ZMIZ1: variants seen among roughly 807,000 people sequenced by gnomAD.
ZMIZ1 encodes the protein zinc finger MIZ-type containing 1, also known as zinc finger MIZ domain-containing protein 1.
In ZMIZ1, 17 loss-of-function variants were observed where a neutral mutation model predicts 113.9. The observed-to-expected ratio is 0.15, with a 90% CI of 0.10 to 0.22. ZMIZ1 has a LOEUF of 0.22. Ranked by LOEUF, ZMIZ1 falls within the 10% of genes least tolerant of loss-of-function variation. The pLI is 1.00. For missense variants in ZMIZ1, 1,059 were observed against 1,477.8 expected (o/e 0.72, Z 4.65); for synonymous variants, 607 against 603.1 (o/e 1.01, Z -0.09).
chr10:79,127,527 C>G (rs905735932), intron 2 of ZMIZ1, among the ~76,000 whole-genome samples: 2 of 152,020 alleles, frequency 1.3e-5, no homozygotes, highest in Non-Finnish European at 2.9e-5. Context: ...TCCTCACAAC[C>G]CCTGACTCAT....
rs2985841 is a variant in ZMIZ1 at position 79,314,007 on chromosome 10, G to A, written c.*1258G>A. ...GCACCAGTATGTACCTGCAGGCATGGGGGGGAGGGGGGCGTGTTTCTGGGC... is the reference window on the plus strand; with the variant it reads ...GCACCAGTATGTACCTGCAGGCATGAGGGGGAGGGGGGCGTGTTTCTGGGC... On this transcript the variant is annotated 3_prime_UTR_variant, in exon 25 of 25. Transcript: ENST00000334512. 0.15 allele frequency: 70,516 copies of A among 455,770 alleles called. 6,389 individuals carry two copies. Among genetic ancestry groups the A allele is most frequent in the Admixed American group, 0.26 (10,946 of 42,554 alleles). The allele number at this position is 455,770 out of a possible 1,614,324, so 28.2% of individuals were successfully genotyped here. A position where few individuals can be genotyped will look rare whatever the true frequency, so the allele number is the denominator to read the frequency against.
chr10:79,259,445 T>C (rs1412748530), intron 7 of ZMIZ1, among the ~76,000 whole-genome samples: 2 of 152,198 alleles, frequency 1.3e-5, no homozygotes, highest in Non-Finnish European at 2.9e-5. Flanking sequence ...TGGCTTCTTC[T>C]GTTCCATGCA....
chr10:79,305,900 T>TG (rs780431779), intron 21 of ZMIZ1, among the ~76,000 whole-genome samples, 200 bp from the exon 22 acceptor site: 1 of 152,226 alleles, frequency 6.6e-6, no homozygotes, highest in Non-Finnish European at 1.5e-5. Context: ...CCCAGCCACT[T>TG]GCTTTTCTAG....
rs1470349223 is a variant in ZMIZ1, at chr10:79,314,406, G to C, written c.*1657G>C. 2.7e-6 allele frequency: 1 copy of C among 371,610 alleles called. No homozygotes were observed. The highest frequency in any genetic ancestry group is 2.1e-5 in the African/African-American group (1 of 47,414). 23.0% of individuals were successfully genotyped at this position (371,610 alleles called of 1,614,324 possible). ...TTTTACCGGAAAGGTGGCCCCAGCT[G>C]TTGACTTCCAGTCACTGTCCCAGAC... is the stretch of plus-strand genomic sequence containing the variant. On this transcript the variant is annotated 3_prime_UTR_variant, in exon 25 of 25. Coordinates refer to ENST00000334512, the MANE Select transcript of ZMIZ1 (RefSeq NM_020338.4).
intron 1 of ZMIZ1, among the ~76,000 whole-genome samples, chr10:79,070,023 G>C (rs2132138577): frequency 6.6e-6 from 1 of 152,062 alleles, no homozygotes; most frequent in African/African-American, 2.4e-5. Flanking sequence ...GCGCGCGCGC[G>C]TTGCAAATAC....
rs998253735 is a variant in ZMIZ1 at position 79,069,067 on chromosome 10, A to G, written c.-540A>G. 139 of 150,484 alleles carry G rather than the reference A, an allele frequency of 9.2e-4. No homozygotes were observed. Among genetic ancestry groups the G allele is most frequent in the Non-Finnish European group, 9.2e-4 (62 of 67,574 alleles). The allele number at this position is 150,484 out of a possible 1,614,324, so 9.3% of individuals were successfully genotyped here. Reference sequence around the variant, plus strand: ...CGGGGAGAGCGGGCGGCCGGGCGGCAGGCGGGCGAGCAGCGATCGGGCGGC... The same window carrying G: ...CGGGGAGAGCGGGCGGCCGGGCGGCGGGCGGGCGAGCAGCGATCGGGCGGC... On this transcript the variant is annotated 5_prime_UTR_variant, in exon 1 of 25. Coordinates refer to ENST00000334512, the MANE Select transcript of ZMIZ1 (RefSeq NM_020338.4). The surrounding 1 kb of genome is among the most constrained non-coding windows in gnomAD (Gnocchi z 4.6).
intron 23 of ZMIZ1, among the ~76,000 whole-genome samples, chr10:79,310,057 G>C (rs770678173): frequency 6.6e-6 from 1 of 152,126 alleles, no homozygotes; most frequent in Non-Finnish European, 1.5e-5. Context: ...TTCAGTGCAC[G>C]TGCCCACAGG....
intron 7 of ZMIZ1, among the ~76,000 whole-genome samples, chr10:79,234,134 G>C (rs1849500600): frequency 6.6e-6 from 1 of 152,210 alleles, no homozygotes; most frequent in Admixed American, 6.5e-5. Flanking sequence ...GACAAGGGAT[G>C]ACATGGTCAG....
At chr10:79,279,142 C>T (rs1387839592) in intron 8 of ZMIZ1, among the ~76,000 whole-genome samples, 8 of 149,492 alleles carry the variant, frequency 5.4e-5, no homozygotes, top group Non-Finnish European at 8.9e-5. Flanking sequence ...GCTGGCCGGA[C>T]GGGGGCTGCC....
chr10:79,136,443 G>A (rs888524379), intron 2 of ZMIZ1, among the ~76,000 whole-genome samples: 26 of 152,238 alleles, frequency 1.7e-4, no homozygotes, highest in Admixed American at 1.6e-3. Context: ...GGTGTGCTGG[G>A]TGCTCAGTGC....
chr10:79,140,441 T>A (rs1480608789), intron 3 of ZMIZ1, among the ~76,000 whole-genome samples: 1 of 152,214 alleles, frequency 6.6e-6, no homozygotes, highest in African/African-American at 2.4e-5. Flanking sequence ...CATACCAGCT[T>A]CTATGCTTTT....
At chr10:79,149,001 C>A (rs1015681532) in intron 3 of ZMIZ1, among the ~76,000 whole-genome samples, 2 of 152,222 alleles carry the variant, frequency 1.3e-5, no homozygotes, top group African/African-American at 4.8e-5. Flanking sequence ...CAGGGTGTGG[C>A]TAAAGTCAGT....
At chr10:79,259,091 A>G (rs1851097262) in intron 7 of ZMIZ1, among the ~76,000 whole-genome samples, 1 of 152,200 alleles carries the variant, frequency 6.6e-6, no homozygotes, top group African/African-American at 2.4e-5. Context: ...AATGCCCAGT[A>G]TCTAAATGAC....
intron 1 of ZMIZ1, among the ~76,000 whole-genome samples, chr10:79,075,823 ACACTGTACTTTCCC>A (rs1281628334): frequency 6.6e-6 from 1 of 152,178 alleles, no homozygotes; most frequent in Non-Finnish European, 1.5e-5. Flanking sequence ...TAAAATACAT[ACACTGTACTTTCCC>A]CAGCTCTTTC....
At chr10:79,094,689 C>T (rs902117563) in intron 1 of ZMIZ1, among the ~76,000 whole-genome samples, 2 of 152,238 alleles carry the variant, frequency 1.3e-5, no homozygotes, top group Non-Finnish European at 2.9e-5. Context: ...TGGCTCACGC[C>T]TCTAATCCCT....
At chr10:79,290,030 A>T (rs889747599) in intron 9 of ZMIZ1, 141 bp downstream of exon 9, 1 of 817,892 alleles carries the variant, frequency 1.2e-6, no homozygotes. Context: ...CCAGCTGTGG[A>T]CACGTCTCCA....
intron 3 of ZMIZ1, among the ~76,000 whole-genome samples, chr10:79,156,308 C>T (rs956089440): frequency 5.9e-5 from 9 of 152,166 alleles, no homozygotes; most frequent in South Asian, 4.1e-4. Flanking sequence ...TGGGTCCCCA[C>T]GGTGCCAGGT....
intron 1 of ZMIZ1, among the ~76,000 whole-genome samples, chr10:79,116,836 CT>C (rs749253353): frequency 5.3e-5 from 8 of 152,236 alleles, no homozygotes; most frequent in Non-Finnish European, 1.0e-4. Context: ...TCACTGCCCC[CT>C]CAAGGATACC....
intron 7 of ZMIZ1, among the ~76,000 whole-genome samples, chr10:79,270,488 G>A (rs545754742): frequency 5.3e-5 from 8 of 152,294 alleles, no homozygotes; most frequent in African/African-American, 1.9e-4. Flanking sequence ...AGCCCTGGTC[G>A]CACACACCAC....
Sources: gnomAD v4.1 joint callset for allele counts (sites outside exome capture counted in the v4.1 genomes callset) on GRCh38, gnomAD v4.1.1 for gene constraint, Gnocchi (gnomAD v3.1) non-coding constraint, MANE v1.5 for transcripts, NCBI Gene and HGNC (gene_info 2026-07-23, HGNC 2026-07-21) for gene names.